Variants in LGI2 observed in about 807,000 individuals in gnomAD.
The protein encoded by LGI2 is leucine-rich repeat LGI family member 2.
A neutral mutation model predicts 52.0 loss-of-function variants in LGI2; 30 were observed. That is an observed-to-expected ratio of 0.58 (90% CI 0.43 to 0.78). The LOEUF (loss-of-function observed/expected upper bound fraction) is 0.78. Among genes scored for constraint, LGI2 ranks in the 30% least tolerant of loss-of-function variants. The pLI is 0.00. For missense variants in LGI2, 573 were observed against 692.5 expected (o/e 0.83, Z 1.94); for synonymous variants, 270 against 271.8 (o/e 0.99, Z 0.06).
At chr4:25,005,782 G>C (rs1181145654) in intron 7 of LGI2, among the ~76,000 whole-genome samples, 2 of 152,152 alleles carry the variant, frequency 1.3e-5, no homozygotes, top group Non-Finnish European at 2.9e-5. Flanking sequence ...AGTGGAGGCA[G>C]AAAGAGTAGG....
chr4:25,002,586 C>T lies in LGI2; in HGVS notation c.*865G>A, dbSNP rs1033370651. The T allele has an allele frequency of 6.6e-6, 1 of 152,590 alleles. No individual in the cohort carries two copies. The highest frequency in any genetic ancestry group is 1.5e-5 in the Non-Finnish European group (1 of 68,032). 9.5% of individuals were successfully genotyped at this position (152,590 alleles called of 1,614,324 possible). A position where few individuals can be genotyped will look rare whatever the true frequency, so the allele number is the denominator to read the frequency against. On this transcript the variant is annotated 3_prime_UTR_variant, in exon 8 of 8. Coordinates refer to ENST00000382114, the MANE Select transcript of LGI2 (RefSeq NM_018176.4). ...ATCAGACGGAAATAACTGTTTCATC[C>T]CTCTAAAGGATGAAATGAAAAGCAC...
intron 6 of LGI2, among the ~76,000 whole-genome samples, chr4:25,016,010 A>G (rs1427534849): frequency 6.6e-6 from 1 of 152,208 alleles, no homozygotes; most frequent in Admixed American, 6.5e-5. Flanking sequence ...TTTAGTAGGA[A>G]GCTTGTTCAT....
intron 3 of LGI2, among the ~76,000 whole-genome samples, chr4:25,025,803 C>T (rs1726127679): frequency 6.6e-6 from 1 of 152,196 alleles, no homozygotes; most frequent in Admixed American, 6.5e-5. Context: ...GATGTCTTTT[C>T]AGTAATAGAC....
chr4:25,026,908 G>A lies in LGI2; in HGVS notation c.301C>T (p.Arg101Trp), dbSNP rs757175261. 1.7e-5 allele frequency: 27 copies of A among 1,613,648 alleles called. No individual in the cohort carries two copies. The highest frequency in any genetic ancestry group is 2.0e-5 in the Non-Finnish European group (24 of 1,179,564). Residue 101 changes from arginine (R) to tryptophan (W), a missense_variant, in exon 3 of 8, where the codon CGG becomes TGG. Coordinates refer to ENST00000382114, the MANE Select transcript of LGI2 (RefSeq NM_018176.4). ...AAAAGTCCAGCAAAAGCATCATCCC[G>A]GATGATCGTGAATGAGTTAGAATTC... ...LLNSNSFTIIRDDAFAGLFHL... is the reference protein window; with the variant it reads ...LLNSNSFTIIWDDAFAGLFHL...
chr4:25,023,412 G>A (rs984395592), intron 4 of LGI2, among the ~76,000 whole-genome samples: 9 of 152,144 alleles, frequency 5.9e-5, no homozygotes, highest in African/African-American at 9.7e-5. Context: ...GACATTGTCC[G>A]GTATCAACTA....
chr4:25,019,017 T>C, intron 5 of LGI2, 150 bp downstream of exon 5: 1 of 664,012 alleles, frequency 1.5e-6, no homozygotes, highest in Non-Finnish European at 2.7e-6. Flanking sequence ...CAATACAAAC[T>C]GTATGCTATT....
chr4:25,018,039 T>C lies in LGI2; in HGVS notation c.605A>G (p.Glu202Gly). 6.2e-7 allele frequency: 1 copy of C among 1,613,538 alleles called. No homozygotes were observed. Among genetic ancestry groups the C allele is most frequent in the Non-Finnish European group, 8.5e-7 (1 of 1,179,900 alleles). ...VLCIGPPEYQEKKLNDVTSFD... is the reference protein window; with the variant it reads ...VLCIGPPEYQGKKLNDVTSFD... ...GCTGGTCACGTCATTTAGCTTCTTT[T>C]CCTGATACTCTGGTGGACCAATACA... The change falls in exon 6 of 8, where the codon GAA becomes GGA. Residue 202 changes from glutamate to glycine, a missense_variant. By Grantham distance (98) the Glu-to-Gly change is moderately conservative (BLOSUM62 -2). Coordinates refer to ENST00000382114, the MANE Select transcript of LGI2 (RefSeq NM_018176.4).
At chr4:25,023,068 T>TGATGA (rs1491429239) in intron 4 of LGI2, among the ~76,000 whole-genome samples, 3 of 151,032 alleles carry the variant, frequency 2.0e-5, no homozygotes, top group African/African-American at 4.9e-5. Context: ...TATGTTGATG[T>TGATGA]TGATGATGAT....
At chr4:25,018,660 G>A (rs899679712) in intron 5 of LGI2, among the ~76,000 whole-genome samples, 3 of 152,096 alleles carry the variant, frequency 2.0e-5, no homozygotes, top group East Asian at 1.9e-4. Flanking sequence ...TTAGGAGTTC[G>A]AGACTAGCCT....
At chr4:25,018,517 T>C (rs1315149466) in intron 5 of LGI2, among the ~76,000 whole-genome samples, 6 of 152,184 alleles carry the variant, frequency 3.9e-5, no homozygotes, top group African/African-American at 1.4e-4. Context: ...GAGGATATTG[T>C]AGGAAGACAG....
Position 25,030,602 on chromosome 4 carries a change from C to G in LGI2, c.92G>C (p.Arg31Thr), listed in dbSNP as rs1044537016. ...AGTGGCGGGGCAGCGCGCCAGCCGC[C>G]TCACCTGCGCGCTCCGCGGTATCAG... Reference protein sequence around the residue: ...ACLIPRSAQVRRLARCPATCS... With the variant: ...ACLIPRSAQVTRLARCPATCS... The change falls in exon 1 of 8, where the codon AGG becomes ACG. Residue 31 changes from arginine (R) to threonine (T), a missense_variant. Transcript: ENST00000382114. The G allele has an allele frequency of 4.5e-6, 7 of 1,562,992 alleles. No individual in the cohort carries two copies. In the African/African-American group the frequency reaches 8.1e-5, roughly 18 times the overall value.
At chr4:24,998,228 C>T (rs1015309901), downstream of LGI2, among the ~76,000 whole-genome samples, 2 of 152,136 alleles carry the variant, frequency 1.3e-5, no homozygotes, top group Admixed American at 6.5e-5. Flanking sequence ...GCATCATGCA[C>T]TTACTATTTT....
rs372031443 is a variant in LGI2, at chr4:25,003,448, C to A, written c.*3G>T. ...ATTTCTCTTAGTTTCACCCACCACA[C>A]CTTCACAAACTTAAGTCAACAATTA... On this transcript the variant is annotated 3_prime_UTR_variant, in exon 8 of 8. Coordinates refer to ENST00000382114, the MANE Select transcript of LGI2 (RefSeq NM_018176.4). The A allele has an allele frequency of 3.7e-5, 58 of 1,563,672 alleles. No individual in the cohort carries two copies. The African/African-American group carries it at 7.8e-4, about 21-fold the overall frequency.
Position 25,003,790 on chromosome 4 carries a change from G to A in LGI2, c.1299C>T (p.Tyr433=). 6.2e-7 allele frequency: 1 copy of A among 1,614,178 alleles called. No homozygotes were observed. The highest frequency in any genetic ancestry group is 8.5e-7 in the Non-Finnish European group (1 of 1,180,036). ...CCCCGATGAAGCGGGTAAGGGAAAG[G>A]TAGAGGGTATTTTGCATTCGGAAGC... ...VKSFRMQNTL[Y]LSLTRFIGDS... The change falls in exon 8 of 8, where the codon TAC becomes TAT. Residue 433 remains tyrosine, a synonymous_variant. Coordinates refer to ENST00000382114, the MANE Select transcript of LGI2 (RefSeq NM_018176.4).
intron 3 of LGI2, 119 bp downstream of exon 3, chr4:25,026,747 GGT>G (rs1255521024): frequency 6.6e-6 from 5 of 761,934 alleles, no homozygotes; most frequent in African/African-American, 1.7e-5. Context: ...AAGAGAATGG[GGT>G]GTTCTCCAGT....
intron 7 of LGI2, among the ~76,000 whole-genome samples, chr4:25,010,904 G>A (rs1290504005): frequency 1.3e-5 from 2 of 151,730 alleles, no homozygotes; most frequent in Non-Finnish European, 2.9e-5. Context: ...GCATCATAGT[G>A]AGACCCTGTC....
chr4:25,024,911 A>C lies in LGI2; in HGVS notation c.342-20T>G. 2 of 1,523,886 alleles carry C rather than the reference A, an allele frequency of 1.3e-6. No individual in the cohort carries two copies. Among genetic ancestry groups the C allele is most frequent in the Non-Finnish European group, 1.8e-6 (2 of 1,120,352 alleles). The allele number at this position is 1,523,886 out of a possible 1,614,324, so 94.4% of individuals were successfully genotyped here. On this transcript the variant is annotated intron_variant, in intron 3 of 7. Transcript: ENST00000382114. ...ATGAACCTAAGAGGAAAAGTTGTAT[A>C]ATTAAAATGAATTTTCTCTCCTTAG... is the stretch of plus-strand genomic sequence containing the variant.
chr4:24,996,903 C>T (rs1725099394), downstream of LGI2, among the ~76,000 whole-genome samples: 1 of 152,214 alleles, frequency 6.6e-6, no homozygotes, highest in South Asian at 2.1e-4. Context: ...GGAGCATGCT[C>T]TTTGGGGCCC....
chr4:25,030,496 C>A lies in LGI2; in HGVS notation c.197+1G>T, dbSNP rs752397164. ...ATGGGGGCTGGAGGGGTCCCACTCA[C>A]AGGGAGCTGATGTCGCCCGGCACGA... On this transcript the variant is annotated splice_donor_variant, in intron 1 of 7. Coordinates refer to ENST00000382114, the MANE Select transcript of LGI2 (RefSeq NM_018176.4). LOFTEE classifies it high-confidence loss of function. 4.4e-6 allele frequency: 7 copies of A among 1,583,990 alleles called. No homozygotes were observed. The Admixed American group carries it at 9.1e-5, about 21-fold the overall frequency.
Sources: allele counts gnomAD v4.1 joint callset (sites outside exome capture counted in the v4.1 genomes callset), GRCh38; gene constraint gnomAD v4.1.1; transcripts MANE v1.5; gene names NCBI Gene and HGNC (gene_info 2026-07-23, HGNC 2026-07-21).